Variants in PIKFYVE observed in about 807,000 individuals in gnomAD.
PIKFYVE encodes 1-phosphatidylinositol 3-phosphate 5-kinase.
A neutral mutation model predicts 257.9 loss-of-function variants in PIKFYVE; 122 were observed. The observed-to-expected ratio is 0.47, with a 90% CI of 0.41 to 0.55. The LOEUF (loss-of-function observed/expected upper bound fraction) is 0.55. Ranked by LOEUF, PIKFYVE falls within the 20% of genes least tolerant of loss-of-function variation. The pLI, the probability that PIKFYVE is intolerant of heterozygous loss-of-function variation, is 0.00. For missense variants in PIKFYVE, 2,160 were observed against 2,536.6 expected, an observed-to-expected ratio of 0.85 and a Z score of 3.19; for synonymous variants, 892 against 868.9, an observed-to-expected ratio of 1.03 and a Z score of -0.47.
At chr2:208,296,596 T>C (rs757097798) in intron 7 of PIKFYVE, among the ~76,000 whole-genome samples, 14 of 152,114 alleles carry the variant, frequency 9.2e-5, no homozygotes, top group Non-Finnish European at 1.3e-4. Flanking sequence ...ATGTGTATGG[T>C]ATTTATGAAC....
Position 208,352,663 on chromosome 2 carries a change from G to A in PIKFYVE, c.5725G>A (p.Ala1909Thr), listed in dbSNP as rs777074304. ...ACCTTCTCTTGATTAGAGGCCCACG[G>A]CGTTGGCCAAAATTCTTGGAGTTTA... is the stretch of plus-strand genomic sequence containing the variant. The part of the protein sequence containing the change: ...TNAVQQKRPT[A>T]LAKILGVYRI... Residue 1909 changes from alanine to threonine, a missense_variant, in exon 39 of 42, where the codon GCG (alanine) becomes ACG (threonine). Physicochemically the swap from Ala to Thr is moderately conservative, Grantham distance 58 (BLOSUM62 0). Coordinates refer to ENST00000264380, the MANE Select transcript of PIKFYVE (RefSeq NM_015040.4). 1 of 1,613,570 alleles carries A rather than the reference G, an allele frequency of 6.2e-7. No homozygotes were observed. The highest frequency in any genetic ancestry group is 1.1e-5 in the South Asian group (1 of 91,014).
intron 3 of PIKFYVE, 100 bp from the exon 4 acceptor site, chr2:208,276,612 T>C (rs1204506538): frequency 1.2e-6 from 1 of 859,434 alleles, no homozygotes; most frequent in Non-Finnish European, 2.0e-6. Context: ...AACATAATTA[T>C]ATGCCAACAA....
intron 15 of PIKFYVE, among the ~76,000 whole-genome samples, chr2:208,315,891 A>G (rs1437505297): frequency 4.7e-5 from 7 of 147,810 alleles, no homozygotes; most frequent in Admixed American, 4.7e-4. Flanking sequence ...AATTATTATT[A>G]TACTTTAAGT....
At chr2:208,288,953 A>T in intron 7 of PIKFYVE, 135 bp downstream of exon 7, 1 of 1,174,596 alleles carries the variant, frequency 8.5e-7, no homozygotes, top group Non-Finnish European at 1.2e-6. Context: ...TTAAACTATC[A>T]TTTTCTTTTT....
At chr2:208,333,795 TA>T (rs1553523922) in intron 24 of PIKFYVE, among the ~76,000 whole-genome samples, 6 of 152,156 alleles carry the variant, frequency 3.9e-5, no homozygotes, top group Non-Finnish European at 7.4e-5. Context: ...ACTCTTTTTT[TA>T]AAAAAAGTTT....
In PIKFYVE at chr2:208,287,939, G is replaced by T. The variant is rs1263869153; in HGVS notation, c.822-790G>T. Among the ~76,000 whole-genome samples the T allele has an allele frequency of 2.0e-4, 4 of 19,820 alleles. No individual in the cohort carries two copies. The East Asian group carries it at 6.7e-3, about 33-fold the overall frequency. The allele number at this position is 19,820 out of a possible 152,430, so 13.0% of individuals were successfully genotyped here. A position where few individuals can be genotyped will look rare whatever the true frequency, so the allele number is the denominator to read the frequency against. On this transcript the variant is annotated intron_variant, in intron 6 of 41. Coordinates refer to ENST00000264380, the MANE Select transcript of PIKFYVE (RefSeq NM_015040.4). Reference sequence around the variant, plus strand: ...AATACTTTGGTGTTTATGGCATTATGATTTTTTTATACCTTACATATATTT... The same window carrying T: ...AATACTTTGGTGTTTATGGCATTATTATTTTTTTATACCTTACATATATTT...
rs1439344074 is a variant in PIKFYVE at position 208,312,284 on chromosome 2, C to A, written c.1685C>A (p.Ala562Asp). 1.9e-6 allele frequency: 3 copies of A among 1,609,110 alleles called. No individual in the cohort carries two copies. The highest frequency in any genetic ancestry group is 2.5e-6 in the Non-Finnish European group (3 of 1,176,710). The stretch of plus-strand genomic sequence containing the variant: ...GGACAACAGCTCTCAATAAGTGACG[C>A]TTTCATCAAAGGTAATTTTATAAAA... ...TGGQQLSISD[A>D]FIKESLFNRR... Residue 562 changes from alanine to aspartate, a missense_variant, in exon 13 of 42, where the codon GCT becomes GAT. By Grantham distance (126) the Ala-to-Asp change is moderately radical (BLOSUM62 -2). This residue lies in a region of PIKFYVE where 346 missense variants were observed against 365.6 expected (regional missense o/e 0.95). Coordinates refer to ENST00000264380, the MANE Select transcript of PIKFYVE (RefSeq NM_015040.4).
At chr2:208,315,615 A>G (rs1695415972) in intron 15 of PIKFYVE, among the ~76,000 whole-genome samples, 1 of 152,154 alleles carries the variant, frequency 6.6e-6, no homozygotes, top group African/African-American at 2.4e-5. Context: ...CCAAACAGAG[A>G]TAGGTTCTTC....
At chr2:208,315,516 T>TTGTA (rs1695402337) in intron 15 of PIKFYVE, 143 bp downstream of exon 15, 1 of 960,600 alleles carries the variant, frequency 1.0e-6, no homozygotes, top group Non-Finnish European at 1.6e-6. Flanking sequence ...TCTGCTTTGT[T>TTGTA]AGCAGCGCAC....
At position 208,325,997 on chromosome 2, in the gene PIKFYVE, C is replaced by A; in HGVS notation, c.3186C>A (p.Phe1062Leu). 1 of 1,614,098 alleles carries A rather than the reference C, an allele frequency of 6.2e-7. No individual in the cohort carries two copies. The highest frequency in any genetic ancestry group is 8.5e-7 in the Non-Finnish European group (1 of 1,179,992). ...VILCISPVITFREPFLLTEKG... is the reference protein window; with the variant it reads ...VILCISPVITLREPFLLTEKG... ...TCTGTATCTCCCCAGTAATCACATT[C>A]CGAGAACCCTTTCTTTTAACTGAAA... The change falls in exon 20 of 42, where the codon TTC (phenylalanine) becomes TTA (leucine). Residue 1062 changes from phenylalanine to leucine, a missense_variant. By Grantham distance (22) the Phe-to-Leu change is conservative. Coordinates refer to ENST00000264380, the MANE Select transcript of PIKFYVE (RefSeq NM_015040.4).
At chr2:208,280,512 C>A (rs1317635494) in intron 5 of PIKFYVE, among the ~76,000 whole-genome samples, 1 of 152,186 alleles carries the variant, frequency 6.6e-6, no homozygotes, top group Non-Finnish European at 1.5e-5. Flanking sequence ...TAACCCCTGA[C>A]AAATATGATC....
chr2:208,270,439 C>T (rs895777919), intron 1 of PIKFYVE, among the ~76,000 whole-genome samples: 1 of 152,104 alleles, frequency 6.6e-6, no homozygotes, highest in African/African-American at 2.4e-5. Flanking sequence ...TAACTTCCAT[C>T]TGGTGATGTG....
intron 20 of PIKFYVE, among the ~76,000 whole-genome samples, chr2:208,327,133 A>G (rs1697020892): frequency 6.6e-6 from 1 of 152,214 alleles, no homozygotes; most frequent in Non-Finnish European, 1.5e-5. Flanking sequence ...AGTGGTGCTA[A>G]ATAATTTTTT....
At chr2:208,335,534 A>T in intron 25 of PIKFYVE, 115 bp downstream of exon 25, 3 of 921,958 alleles carry the variant, frequency 3.3e-6, no homozygotes, top group East Asian at 2.6e-5. Context: ...TATGCTATGC[A>T]TGCTTGGTGT....
chr2:208,294,144 C>T (rs771910627), intron 7 of PIKFYVE, among the ~76,000 whole-genome samples: 26 of 152,052 alleles, frequency 1.7e-4, no homozygotes, highest in Admixed American at 6.6e-4. Flanking sequence ...TGGCAGTTTC[C>T]GTTGAGATAG....
intron 23 of PIKFYVE, among the ~76,000 whole-genome samples, chr2:208,332,769 G>A (rs182139331): frequency 2.7e-4 from 40 of 150,842 alleles, no homozygotes; most frequent in African/African-American, 6.1e-4. Flanking sequence ...GTGTGTGTGT[G>A]TATATATATA....
intron 6 of PIKFYVE, among the ~76,000 whole-genome samples, chr2:208,287,201 G>GAGGGA (rs1691685509): frequency 6.6e-6 from 1 of 151,976 alleles, no homozygotes; most frequent in Non-Finnish European, 1.5e-5. Context: ...TGGTTTCACT[G>GAGGGA]AGGGAAGGGA....
intron 41 of PIKFYVE, 48 bp from the exon 42 acceptor site, chr2:208,355,142 A>G (rs961355018): frequency 1.6e-5 from 23 of 1,442,148 alleles, no homozygotes; most frequent in Admixed American, 5.1e-5. Flanking sequence ...CAGTTGCCCA[A>G]TCAATTATAT....
At chr2:208,302,172 G>T in intron 9 of PIKFYVE, 70 bp from the exon 10 acceptor site, 1 of 1,295,970 alleles carries the variant, frequency 7.7e-7, no homozygotes, top group Non-Finnish European at 1.1e-6. Flanking sequence ...TTTTAAGGTT[G>T]TGTCTTATCT....
Sources: gnomAD v4.1 joint callset for allele counts (sites outside exome capture counted in the v4.1 genomes callset) on GRCh38, gnomAD v4.1.1 for gene constraint, gnomAD v4.1.1 regional missense constraint, MANE v1.5 for transcripts, NCBI Gene and HGNC (gene_info 2026-07-23, HGNC 2026-07-21) for gene names.